Variants in PAPPA2 observed in about 807,000 individuals in gnomAD.
PAPPA2 encodes the protein pappalysin-2.
Under a neutral mutation model 176.4 loss-of-function variants are expected in PAPPA2, and 86 were observed. The ratio of observed to expected loss-of-function variants is 0.49; its 90% CI spans 0.41 to 0.58. The LOEUF is 0.58. Among genes scored for constraint, PAPPA2 ranks in the 20% least tolerant of loss-of-function variants. The pLI is 0.00. For missense variants in PAPPA2, 2,073 were observed against 2,256.9 expected (o/e 0.92, Z 1.65); for synonymous variants, 809 against 852.2 (o/e 0.95, Z 0.88).
chr1:176,638,142 T>C (rs1384772189), intron 3 of PAPPA2, among the ~76,000 whole-genome samples: 3 of 152,132 alleles, frequency 2.0e-5, no homozygotes, highest in Non-Finnish European at 4.4e-5. Context: ...GAAGGTTGAC[T>C]CTACTTAGAT....
chr1:176,499,678 T>G (rs750948636), intron 1 of PAPPA2, among the ~76,000 whole-genome samples: 3 of 152,166 alleles, frequency 2.0e-5, no homozygotes, highest in Non-Finnish European at 2.9e-5. Context: ...TGCTTCCCTC[T>G]CCTATACACA....
At chr1:176,608,331 T>C (rs779415540) in intron 3 of PAPPA2, among the ~76,000 whole-genome samples, 33 of 152,220 alleles carry the variant, frequency 2.2e-4, no homozygotes, top group Admixed American at 2.0e-4. Context: ...ACTTTATCTG[T>C]TCAATTTCTT....
intron 1 of PAPPA2, among the ~76,000 whole-genome samples, chr1:176,500,418 T>C (rs541896033): frequency 6.6e-6 from 1 of 150,746 alleles, no homozygotes; most frequent in Non-Finnish European, 1.5e-5. Context: ...TTCTAAAAGC[T>C]TTTTTCACTG....
intron 3 of PAPPA2, among the ~76,000 whole-genome samples, chr1:176,601,779 G>T (rs1448688842): frequency 6.6e-6 from 1 of 152,154 alleles, no homozygotes; most frequent in African/African-American, 2.4e-5. Context: ...GTACCCTCAG[G>T]GGAACTTGTC....
intron 17 of PAPPA2, among the ~76,000 whole-genome samples, chr1:176,783,399 T>C (rs1202308397): frequency 1.3e-5 from 2 of 152,168 alleles, no homozygotes; most frequent in African/African-American, 2.4e-5. Context: ...ACAATGGTGA[T>C]AGAAGGATGG....
chr1:176,491,728 G>A (rs919618618), intron 1 of PAPPA2, among the ~76,000 whole-genome samples: 3 of 152,176 alleles, frequency 2.0e-5, no homozygotes, highest in Non-Finnish European at 2.9e-5. Flanking sequence ...AAAAGCATTA[G>A]TAGTTATTTG....
intron 1 of PAPPA2, among the ~76,000 whole-genome samples, chr1:176,522,922 T>C (rs564402859): frequency 2.0e-5 from 3 of 152,226 alleles, no homozygotes; most frequent in African/African-American, 4.8e-5. Context: ...GGGGCATGGG[T>C]GGGCATTTCT....
At chr1:176,665,792 C>G (rs528009152) in intron 3 of PAPPA2, among the ~76,000 whole-genome samples, 4 of 152,156 alleles carry the variant, frequency 2.6e-5, no homozygotes, top group Non-Finnish European at 5.9e-5. Context: ...TCAACAGATT[C>G]ACCAGCTGGA....
intron 3 of PAPPA2, among the ~76,000 whole-genome samples, chr1:176,632,366 G>A (rs1361856307): frequency 6.6e-6 from 1 of 151,870 alleles, no homozygotes; most frequent in Non-Finnish European, 1.5e-5. Context: ...AAAATCAAAT[G>A]TCAAGATGAA....
At chr1:176,477,318 A>T (rs1210501620) in intron 1 of PAPPA2, among the ~76,000 whole-genome samples, 2 of 152,182 alleles carry the variant, frequency 1.3e-5, no homozygotes, top group Non-Finnish European at 2.9e-5. Context: ...GTTACTCATG[A>T]TCAACAATAA....
intron 21 of PAPPA2, among the ~76,000 whole-genome samples, chr1:176,832,564 G>A (rs550012914): frequency 9.2e-5 from 14 of 152,080 alleles, no homozygotes; most frequent in Admixed American, 2.6e-4. Flanking sequence ...TGTTGGCTAG[G>A]CTGGTCTCAA....
At chr1:176,663,640 A>G (rs566818835) in intron 3 of PAPPA2, among the ~76,000 whole-genome samples, 2 of 152,214 alleles carry the variant, frequency 1.3e-5, no homozygotes, top group South Asian at 2.1e-4. Context: ...ATATTTTCAT[A>G]TAGTGACTTT....
intron 17 of PAPPA2, among the ~76,000 whole-genome samples, chr1:176,786,334 A>G (rs1183390998): frequency 2.0e-5 from 3 of 152,184 alleles, no homozygotes; most frequent in African/African-American, 7.2e-5. Context: ...GATGAAAGTC[A>G]GAAGTGTCTG....
chr1:176,714,013 G>C (rs932817045), intron 12 of PAPPA2, among the ~76,000 whole-genome samples: 2 of 152,044 alleles, frequency 1.3e-5, no homozygotes, highest in Non-Finnish European at 1.5e-5. Flanking sequence ...TAACTCCCTT[G>C]ACCATAAGGA....
chr1:176,718,548 T>A (rs1483213815), intron 12 of PAPPA2, among the ~76,000 whole-genome samples: 1 of 152,062 alleles, frequency 6.6e-6, no homozygotes, highest in Non-Finnish European at 1.5e-5. Flanking sequence ...TAAACATGAC[T>A]TTAGCTACAT....
At chr1:176,826,368 A>G (rs572475227) in intron 21 of PAPPA2, among the ~76,000 whole-genome samples, 1 of 152,350 alleles carries the variant, frequency 6.6e-6, no homozygotes, top group Admixed American at 6.5e-5. Flanking sequence ...ATGAGAGCAG[A>G]GAACATGTTG....
At chr1:176,829,425 G>T (rs1667000328) in intron 21 of PAPPA2, among the ~76,000 whole-genome samples, 1 of 152,206 alleles carries the variant, frequency 6.6e-6, no homozygotes, top group Admixed American at 6.5e-5. Flanking sequence ...GCCAAGAAAT[G>T]CTGGCCTGCC....
At chr1:176,833,349 G>A (rs963189412) in intron 21 of PAPPA2, among the ~76,000 whole-genome samples, 3 of 152,204 alleles carry the variant, frequency 2.0e-5, no homozygotes, top group Non-Finnish European at 4.4e-5. Flanking sequence ...ATGTGATTGT[G>A]TCATTCTGTA....
intron 1 of PAPPA2, among the ~76,000 whole-genome samples, chr1:176,508,937 A>G (rs1648455785): frequency 6.6e-6 from 1 of 152,074 alleles, no homozygotes; most frequent in Non-Finnish European, 1.5e-5. Context: ...TTTAAAAATA[A>G]ATTACTCAGT....
Sources: allele counts gnomAD v4.1 joint callset (sites outside exome capture counted in the v4.1 genomes callset), GRCh38; gene constraint gnomAD v4.1.1; transcripts MANE v1.5; gene names NCBI Gene and HGNC (gene_info 2026-07-23, HGNC 2026-07-21).